Variants in SENP7 observed in about 807,000 individuals in gnomAD.
SENP7 encodes SUMO specific peptidase 7, also known as sentrin-specific protease 7.
A neutral mutation model predicts 141.2 loss-of-function variants in SENP7; 64 were observed. That is an observed-to-expected ratio of 0.45 (90% CI 0.37 to 0.56). The LOEUF (loss-of-function observed/expected upper bound fraction) is 0.56, where lower values mean the gene tolerates loss of function less well. Among genes scored for constraint, SENP7 ranks in the 20% least tolerant of loss-of-function variants. The pLI is 0.00. For synonymous variants in SENP7, 382 were observed against 426.4 expected, an observed-to-expected ratio of 0.90 and a Z score of 1.28; for missense variants, 1,025 against 1,212.2, an observed-to-expected ratio of 0.85 and a Z score of 2.29.
chr3:101,436,294 T>C (rs771418828), intron 4 of SENP7, among the ~76,000 whole-genome samples: 1 of 152,092 alleles, frequency 6.6e-6, no homozygotes, highest in Non-Finnish European at 1.5e-5. Flanking sequence ...AAGACTGAAA[T>C]CTAAAACCCC....
intron 6 of SENP7, among the ~76,000 whole-genome samples, chr3:101,396,605 A>G (rs1032755486): frequency 6.6e-5 from 10 of 152,212 alleles, no homozygotes; most frequent in African/African-American, 2.2e-4. Flanking sequence ...TTTGTGAGGT[A>G]CATAGGGCAT....
intron 5 of SENP7, among the ~76,000 whole-genome samples, chr3:101,413,833 A>G (rs371569414): frequency 3.9e-5 from 6 of 152,146 alleles, no homozygotes; most frequent in African/African-American, 1.4e-4. Flanking sequence ...CCTGAAGTAC[A>G]TTGTGAATAT....
chr3:101,449,086 C>T (rs2107815378), intron 4 of SENP7, among the ~76,000 whole-genome samples: 1 of 152,168 alleles, frequency 6.6e-6, no homozygotes, highest in Admixed American at 6.5e-5. Context: ...AATGCACAAG[C>T]CTCAGTACCA....
intron 5 of SENP7, among the ~76,000 whole-genome samples, 197 bp downstream of exon 5, chr3:101,417,396 T>C (rs1270618763): frequency 6.6e-6 from 1 of 152,192 alleles, no homozygotes; most frequent in Non-Finnish European, 1.5e-5. Flanking sequence ...TCCATGTCAA[T>C]CTGCTTAATG....
rs141339701 is a variant in SENP7, at chr3:101,377,730, G to A, written c.678-5604C>T. Among the ~76,000 whole-genome samples, 389 of 152,296 alleles carry A rather than the reference G, an allele frequency of 2.6e-3. No individual in the cohort carries two copies. In the Middle Eastern group the frequency reaches 0.027, roughly 11 times the overall value. On this transcript the variant is annotated intron_variant, in intron 6 of 23. Transcript: ENST00000394095. The stretch of plus-strand genomic sequence containing the variant: ...ATAAAAAATACCCAACTCTAGCTCC[G>A]TCTAGCATTCTGTGTGAGGAAAAGC...
intron 8 of SENP7, 138 bp from the exon 9 acceptor site, chr3:101,366,907 A>G: frequency 1.7e-6 from 1 of 593,876 alleles, no homozygotes; most frequent in Non-Finnish European, 2.9e-6. Context: ...ATTATACTAC[A>G]TTATACTTGC....
At chr3:101,452,873 C>A (rs371780242) in intron 4 of SENP7, among the ~76,000 whole-genome samples, 37 of 152,158 alleles carry the variant, frequency 2.4e-4, no homozygotes, top group African/African-American at 7.0e-4. Context: ...ATGGGATCTA[C>A]TTAAACTAAA....
chr3:101,390,342 GAAAA>G (rs375807905), intron 6 of SENP7, among the ~76,000 whole-genome samples: 1 of 132,166 alleles, frequency 7.6e-6, no homozygotes. Context: ...TACATTGACC[GAAAA>G]AAAAAAAAAA....
intron 3 of SENP7, among the ~76,000 whole-genome samples, chr3:101,488,511 A>G (rs1347665880): frequency 6.6e-6 from 1 of 152,194 alleles, no homozygotes; most frequent in Non-Finnish European, 1.5e-5. Context: ...ACATTTGAGG[A>G]TATGGTCCAC....
chr3:101,465,591 T>C (rs973595330), intron 3 of SENP7, among the ~76,000 whole-genome samples: 3 of 152,192 alleles, frequency 2.0e-5, no homozygotes, highest in African/African-American at 7.2e-5. Context: ...ACTGTGTCTA[T>C]GTAAAAATCA....
chr3:101,362,865 G>A (rs2059938035), intron 10 of SENP7, among the ~76,000 whole-genome samples: 1 of 152,010 alleles, frequency 6.6e-6, no homozygotes, highest in African/African-American at 2.4e-5. Flanking sequence ...AATTATAATA[G>A]AAAACCAGGC....
chr3:101,487,488 T>G (rs2064780568), intron 3 of SENP7, among the ~76,000 whole-genome samples: 1 of 147,998 alleles, frequency 6.8e-6, no homozygotes, highest in African/African-American at 2.7e-5. Flanking sequence ...GTCAATTTTG[T>G]TTTTGTTGCA....
chr3:101,401,038 C>A (rs1246328369), intron 5 of SENP7, among the ~76,000 whole-genome samples: 1 of 150,604 alleles, frequency 6.6e-6, no homozygotes, highest in East Asian at 2.0e-4. Flanking sequence ...TTCAAGGCTG[C>A]AGAGAGCTAG....
chr3:101,380,600 C>A (rs2060475042), intron 6 of SENP7, among the ~76,000 whole-genome samples: 1 of 149,484 alleles, frequency 6.7e-6, no homozygotes. Context: ...TAAATAGCCA[C>A]TGCACTCCAG....
intron 6 of SENP7, among the ~76,000 whole-genome samples, chr3:101,390,272 AT>A (rs1198626730): frequency 2.7e-5 from 4 of 147,720 alleles, no homozygotes; most frequent in African/African-American, 7.5e-5. Context: ...GGCTGAATCC[AT>A]TTTTTTAAAA....
Position 101,398,921 on chromosome 3 carries a change from T to G in SENP7, c.617A>C (p.Asp206Ala). Residue 206 changes from aspartate to alanine, a missense_variant, in exon 6 of 24, where the codon GAT becomes GCT. Physicochemically the swap from Asp to Ala is moderately radical, Grantham distance 126. This residue lies in a region of SENP7 where 496 missense variants were observed against 503.5 expected (regional missense o/e 0.99). Transcript: ENST00000394095. ...LQSEQLSSSS[D>A]GSLESYQNLN... is the part of the protein sequence containing the mutation. ...ATTTTGATAAGATTCTAGGCTGCCATCAGATGATGAAGAAAGTTGCTCTGA... is the reference window on the plus strand; with the variant it reads ...ATTTTGATAAGATTCTAGGCTGCCAGCAGATGATGAAGAAAGTTGCTCTGA... 1 of 1,612,744 alleles carries G rather than the reference T, an allele frequency of 6.2e-7. No homozygotes were observed. Among genetic ancestry groups the G allele is most frequent in the Non-Finnish European group, 8.5e-7 (1 of 1,179,076 alleles).
chr3:101,450,827 T>C (rs545974458), intron 4 of SENP7, among the ~76,000 whole-genome samples: 1 of 151,914 alleles, frequency 6.6e-6, no homozygotes, highest in Non-Finnish European at 1.5e-5. Context: ...AGCAAACATA[T>C]TCAAAAGCTA....
intron 6 of SENP7, among the ~76,000 whole-genome samples, chr3:101,378,937 A>T (rs2060418154): frequency 6.6e-6 from 1 of 152,146 alleles, no homozygotes; most frequent in Non-Finnish European, 1.5e-5. Context: ...ACCAATAAAT[A>T]AATAAAGTAC....
chr3:101,351,657 GA>G lies in SENP7; in HGVS notation c.1624-7del. ...TTAATATATTTTTTTGTGATCTGAA[GA>G]AAAAATTAAAAAGCAAACAATGAGT... On this transcript the variant is annotated splice_polypyrimidine_tract_variant and splice_region_variant and intron_variant, in intron 11 of 23. Transcript: ENST00000394095. 2 of 1,341,122 alleles carry G rather than the reference GA, an allele frequency of 1.5e-6. No individual in the cohort carries two copies. Among genetic ancestry groups the G allele is most frequent in the Non-Finnish European group, 1.9e-6 (2 of 1,027,428 alleles). The allele number at this position is 1,341,122 out of a possible 1,614,324, so 83.1% of individuals were successfully genotyped here.
Sources: allele counts gnomAD v4.1 joint callset (sites outside exome capture counted in the v4.1 genomes callset), GRCh38; gene constraint gnomAD v4.1.1; regional missense constraint gnomAD v4.1.1; transcripts MANE v1.5; gene names NCBI Gene and HGNC (gene_info 2026-07-23, HGNC 2026-07-21).